The following CDH23 variants were observed in gnomAD, a reference collection of about 807,000 sequenced individuals.
CDH23 encodes the protein cadherin related 23, also known as cadherin-23.
In CDH23, 189 loss-of-function variants were observed where a neutral mutation model predicts 317.1. That is an observed-to-expected ratio of 0.60 (90% confidence interval 0.53 to 0.67). The LOEUF (loss-of-function observed/expected upper bound fraction) is 0.67. Among genes scored for constraint, CDH23 ranks in the 30% least tolerant of loss-of-function variants. CDH23 has a pLI of 0.00. For missense variants in CDH23, 4,401 were observed against 4,592.4 expected, an observed-to-expected ratio of 0.96 and a Z score of 1.20; for synonymous variants, 1,839 against 1,876.8, an observed-to-expected ratio of 0.98 and a Z score of 0.52.
In CDH23 at chr10:71,739,679, G is replaced by A. The variant is rs953731895; in HGVS notation, c.4395G>A (p.Gly1465=). 6 of 1,613,256 alleles carry A rather than the reference G, an allele frequency of 3.7e-6. No homozygotes were observed. In the Admixed American group the frequency reaches 8.3e-5, roughly 22 times the overall value. The change falls in exon 36 of 70, where the codon GGG becomes GGA. Residue 1465 remains glycine, a synonymous_variant. Transcript: ENST00000224721. ...VFSLASGNIA[G]AFEIVTTNDS... Reference sequence around the variant, plus strand: ...CCCTGGCCTCTGGCAACATCGCGGGGGCCTTTGAGATCGTCACCACCAATG... The same window carrying A: ...CCCTGGCCTCTGGCAACATCGCGGGAGCCTTTGAGATCGTCACCACCAATG...
chr10:71,458,133 C>T (rs1850789804), intron 3 of CDH23, among the ~76,000 whole-genome samples: 1 of 152,250 alleles, frequency 6.6e-6, no homozygotes, highest in Admixed American at 6.5e-5. Flanking sequence ...AACTTGTCAT[C>T]ACTCCCCTCA....
intron 3 of CDH23, among the ~76,000 whole-genome samples, chr10:71,452,812 G>A (rs10999816): frequency 1.8e-4 from 28 of 152,170 alleles, no homozygotes; most frequent in Non-Finnish European, 3.5e-4. Context: ...CCTCTTGCCC[G>A]AGCCTCTATT....
Position 71,797,146 on chromosome 10 carries a change from C to T in CDH23, c.6755C>T (p.Ala2252Val). The change falls in exon 49 of 70, where the codon GCC (alanine) becomes GTC (valine). Residue 2252 changes from alanine to valine, a missense_variant. Physicochemically the swap from Ala to Val is moderately conservative, Grantham distance 64. Transcript: ENST00000224721. Reference sequence around the variant, plus strand: ...TCCCCCATGAATCGGGAGCTGGTTGCCACCTATGAGGTCACTCTCTCAGTG... The same window carrying T: ...TCCCCCATGAATCGGGAGCTGGTTGTCACCTATGAGGTCACTCTCTCAGTG... ...VKSPMNRELV[A>V]TYEVTLSVID... is the part of the protein sequence containing the mutation. 1 of 1,613,552 alleles carries T rather than the reference C, an allele frequency of 6.2e-7. No individual in the cohort carries two copies. Among genetic ancestry groups the T allele is most frequent in the Non-Finnish European group, 8.5e-7 (1 of 1,179,728 alleles).
At chr10:71,516,676 T>C (rs1476776365) in intron 6 of CDH23, among the ~76,000 whole-genome samples, 1 of 152,198 alleles carries the variant, frequency 6.6e-6, no homozygotes, top group Non-Finnish European at 1.5e-5. Context: ...GTAGCCACTC[T>C]TGTCATTCCC....
intron 3 of CDH23, among the ~76,000 whole-genome samples, chr10:71,457,566 G>A (rs1850755326): frequency 1.3e-5 from 2 of 152,198 alleles, no homozygotes; most frequent in African/African-American, 4.8e-5. Flanking sequence ...TCCACATGGG[G>A]CAGGTGCTGG....
chr10:71,810,726 G>A lies in CDH23; in HGVS notation c.9077+157G>A, dbSNP rs562642624. Reference sequence around the variant, plus strand: ...GACTGGGGCAGGGCTAGGAGAGAGAGCAGAGTTTGGGGGTATGAGCAACTC... The same window carrying A: ...GACTGGGGCAGGGCTAGGAGAGAGAACAGAGTTTGGGGGTATGAGCAACTC... On this transcript the variant is annotated intron_variant, in intron 62 of 69. Transcript: ENST00000224721. Among the ~76,000 whole-genome samples, 4 of 152,254 alleles carry A rather than the reference G, an allele frequency of 2.6e-5. No homozygotes were observed. In the South Asian group the frequency reaches 8.3e-4, roughly 32 times the overall value.
intron 33 of CDH23, 65 bp downstream of exon 33, chr10:71,734,406 C>T (rs566831269): frequency 9.9e-6 from 15 of 1,517,928 alleles, no homozygotes; most frequent in Non-Finnish European, 1.3e-5. Flanking sequence ...ACTTCCTAAC[C>T]CATGTCCTCG....
chr10:71,791,102 G>T, intron 46 of CDH23, 30 bp from the exon 47 acceptor site: 1 of 1,570,640 alleles, frequency 6.4e-7, no homozygotes, highest in African/African-American at 1.3e-5. Context: ...TTTTCTGTGT[G>T]TTTCCCTGGC....
intron 53 of CDH23, 100 bp downstream of exon 53, chr10:71,800,855 GC>G: frequency 2.0e-6 from 3 of 1,489,874 alleles, no homozygotes; most frequent in Non-Finnish European, 2.7e-6. Flanking sequence ...TGGGAGCAGA[GC>G]CCCCCGGTCC....
chr10:71,715,793 C>T, intron 28 of CDH23: 2 of 735,794 alleles, frequency 2.7e-6, no homozygotes, highest in South Asian at 2.5e-5. Flanking sequence ...CTGGCCTGGG[C>T]ATGCAAGGAG....
In CDH23 at chr10:71,679,447, G is replaced by T. The variant is rs773483950; in HGVS notation, c.1813G>T (p.Ala605Ser). The change falls in exon 17 of 70, where the codon GCC becomes TCC. Residue 605 changes from alanine (A) to serine (S), a missense_variant. Transcript: ENST00000224721. Reference protein sequence around the residue: ...QITYSIVSASAFGSYFDISLY... With the variant: ...QITYSIVSASSFGSYFDISLY... ...CACCTACAGCATTGTCAGTGCATCTGCCTTTGGCAGCTACTTCGACATCAG... is the reference window on the plus strand; with the variant it reads ...CACCTACAGCATTGTCAGTGCATCTTCCTTTGGCAGCTACTTCGACATCAG... 1 of 1,613,432 alleles carries T rather than the reference G, an allele frequency of 6.2e-7. No homozygotes were observed. Among genetic ancestry groups the T allele is most frequent in the Admixed American group, 1.7e-5 (1 of 59,904 alleles).
chr10:71,682,652 C>A, intron 18 of CDH23, 80 bp downstream of exon 18: 1 of 1,541,658 alleles, frequency 6.5e-7, no homozygotes, highest in Non-Finnish European at 8.8e-7. Flanking sequence ...TACTGTAGGA[C>A]TGTGGCCCCC....
At chr10:71,595,877 T>G (rs2132460037) in intron 9 of CDH23, among the ~76,000 whole-genome samples, 1 of 152,324 alleles carries the variant, frequency 6.6e-6, no homozygotes, top group South Asian at 2.1e-4. Flanking sequence ...CCAGCCACTT[T>G]CAAGCCCAGA....
Position 71,784,951 on chromosome 10 carries a change from C to A in CDH23, c.5563C>A (p.Pro1855Thr), listed in dbSNP as rs538032577. 1 of 1,614,014 alleles carries A rather than the reference C, an allele frequency of 6.2e-7. No individual in the cohort carries two copies. Among genetic ancestry groups the A allele is most frequent in the Non-Finnish European group, 8.5e-7 (1 of 1,179,850 alleles). Reference protein sequence around the residue: ...NDNDPVLLNLPMNITISENSP... With the variant: ...NDNDPVLLNLTMNITISENSP... The stretch of plus-strand genomic sequence containing the variant: ...CAACGACCCTGTGCTGCTGAACCTG[C>A]CCATGAACATCACCATCAGCGAGAA... The change falls in exon 43 of 70, where the codon CCC becomes ACC. Residue 1855 changes from proline to threonine, a missense_variant. Around this residue, in one of 3 missense-constraint regions of CDH23, gnomAD observed 3,068 missense variants for 3,203.3 expected, o/e 0.96. Transcript: ENST00000224721.
At chr10:71,545,321 C>T (rs905770132) in intron 6 of CDH23, among the ~76,000 whole-genome samples, 2 of 152,108 alleles carry the variant, frequency 1.3e-5, no homozygotes, top group African/African-American at 4.8e-5. Flanking sequence ...TTCGGAGAAA[C>T]CCATTAGACC....
intron 3 of CDH23, among the ~76,000 whole-genome samples, chr10:71,458,067 C>T (rs958609096): frequency 2.6e-5 from 4 of 152,194 alleles, no homozygotes; most frequent in African/African-American, 9.6e-5. Context: ...GTGTAATTTA[C>T]AAGAGCTGAA....
At chr10:71,766,608 G>A (rs1036970181) in intron 38 of CDH23, among the ~76,000 whole-genome samples, 1 of 152,178 alleles carries the variant, frequency 6.6e-6, no homozygotes, top group African/African-American at 2.4e-5. Flanking sequence ...CAGGAGGGAA[G>A]AGCTGTCTTA....
chr10:71,721,680 G>T (rs1215064751), intron 28 of CDH23, among the ~76,000 whole-genome samples: 5 of 152,194 alleles, frequency 3.3e-5, no homozygotes, highest in Admixed American at 1.3e-4. Flanking sequence ...TTACCGCAGT[G>T]CCCGGATGTG....
At chr10:71,806,488 G>A (rs985447765) in intron 57 of CDH23, among the ~76,000 whole-genome samples, 23 of 151,078 alleles carry the variant, frequency 1.5e-4, no homozygotes, top group African/African-American at 5.4e-4. Context: ...AAAAAAAAAG[G>A]CAGACCAAAA....
Sources: allele counts gnomAD v4.1 joint callset (sites outside exome capture counted in the v4.1 genomes callset), GRCh38; gene constraint gnomAD v4.1.1; regional missense constraint gnomAD v4.1.1; transcripts MANE v1.5; gene names NCBI Gene and HGNC (gene_info 2026-07-23, HGNC 2026-07-21).